SAMD4A: variants seen among roughly 807,000 people sequenced by gnomAD.
SAMD4A encodes the protein sterile alpha motif domain containing 4A, also known as protein Smaug homolog 1.
In SAMD4A, 33 loss-of-function variants were observed where a neutral mutation model predicts 81.3. That is an observed-to-expected ratio of 0.41 (90% confidence interval 0.31 to 0.54). The LOEUF is 0.54. SAMD4A is among the 20% of genes least tolerant of loss of function. The pLI is 0.37. For synonymous variants in SAMD4A, 389 were observed against 382.1 expected (o/e 1.02, Z -0.21); for missense variants, 854 against 951.1 (o/e 0.90, Z 1.34).
chr14:54,777,169 G>A (rs1160387556), intron 11 of SAMD4A, among the ~76,000 whole-genome samples: 1 of 152,128 alleles, frequency 6.6e-6, no homozygotes, highest in Admixed American at 6.5e-5. Flanking sequence ...AAGCCACACA[G>A]GCAATTACAC....
In SAMD4A at chr14:54,739,055, C is replaced by CTTTTTTTTTTTTTTTTTTTTTTTT. The variant is rs3051648; in HGVS notation, c.979+1787_979+1788insTTTTTTTTTTTTTTTTTTTTTTTT. Among the ~76,000 whole-genome samples the CTTTTTTTTTTTTTTTTTTTTTTTT allele has an allele frequency of 6.1e-4, 59 of 97,344 alleles. 7 individuals are homozygous for CTTTTTTTTTTTTTTTTTTTTTTTT. Among genetic ancestry groups the CTTTTTTTTTTTTTTTTTTTTTTTT allele is most frequent in the African/African-American group, 2.8e-3 (58 of 20,654 alleles). 63.9% of individuals were successfully genotyped at this position (97,344 alleles called of 152,430 possible). The stretch of plus-strand genomic sequence containing the variant: ...TACTTTGTTTTCTTTCTTTCCTTTT[C>CTTTTTTTTTTTTTTTTTTTTTTTT]TTTTTTTTTTTTTTTTTTTGAGGCC... On this transcript the variant is annotated intron_variant, in intron 4 of 12. Transcript: ENST00000554335.
In SAMD4A at chr14:54,692,952, A is replaced by G. The variant is rs146893166; in HGVS notation, c.197-9110A>G. 1.6e-4 allele frequency: 24 copies of G among 148,976 alleles called. No individual in the cohort carries two copies. The East Asian group carries it at 4.8e-3, about 30-fold the overall frequency. The allele number at this position is 148,976 out of a possible 1,614,324, so 9.2% of individuals were successfully genotyped here. ...TTGTTTTTCTTTCCTTCTTCAACAG[A>G]TGTTTGCAAGAGTTGTATTAAATAT... is the stretch of plus-strand genomic sequence containing the variant. On this transcript the variant is annotated intron_variant, in intron 2 of 12. Transcript: ENST00000554335.
intron 2 of SAMD4A, among the ~76,000 whole-genome samples, chr14:54,572,950 T>A (rs1374679365): frequency 6.6e-6 from 1 of 152,222 alleles, no homozygotes. Flanking sequence ...GGGACCCACC[T>A]TCTATGTTTT....
At chr14:54,708,254 G>A (rs2036906454) in intron 3 of SAMD4A, among the ~76,000 whole-genome samples, 1 of 152,228 alleles carries the variant, frequency 6.6e-6, no homozygotes. Context: ...GGAGAGGATT[G>A]AAGGAGGACT....
At chr14:54,692,979 TTTCA>T (rs2036488301) in intron 2 of SAMD4A, 1 of 151,862 alleles carries the variant, frequency 6.6e-6, no homozygotes, top group Admixed American at 6.6e-5. Flanking sequence ...ATTAAATATA[TTTCA>T]TTCTGCTGTC....
At chr14:54,758,057 C>G (rs934600777) in intron 6 of SAMD4A, among the ~76,000 whole-genome samples, 1 of 152,316 alleles carries the variant, frequency 6.6e-6, no homozygotes, top group African/African-American at 2.4e-5. Context: ...CCTGCAGAGA[C>G]ATCTGTCATG....
At chr14:54,591,353 G>A (rs1237601947) in intron 2 of SAMD4A, among the ~76,000 whole-genome samples, 2 of 152,082 alleles carry the variant, frequency 1.3e-5, no homozygotes, top group Non-Finnish European at 2.9e-5. Flanking sequence ...TGGTGCCAAG[G>A]GTGCTAGAAA....
At chr14:54,775,527 T>G (rs17127934) in intron 10 of SAMD4A, among the ~76,000 whole-genome samples, 42,698 of 152,094 alleles carry the variant, frequency 0.28, 6,407 homozygotes, top group African/African-American at 0.39. Flanking sequence ...CAGTCCCAGC[T>G]CTGGTGGAGC....
At chr14:54,653,383 G>A (rs535335387) in intron 2 of SAMD4A, among the ~76,000 whole-genome samples, 124 of 150,090 alleles carry the variant, frequency 8.3e-4, no homozygotes, top group African/African-American at 2.9e-3. Context: ...GTCACCCAGG[G>A]TGGAGTGCAG....
intron 2 of SAMD4A, among the ~76,000 whole-genome samples, chr14:54,698,480 C>T (rs970381041): frequency 1.3e-5 from 2 of 152,190 alleles, no homozygotes; most frequent in Non-Finnish European, 2.9e-5. Flanking sequence ...CATTTGTGCC[C>T]CTGTGCCTTC....
Position 54,724,007 on chromosome 14 carries a change from T to TGGATGGATGGAAGGAA in SAMD4A, c.716-13014_716-13013insTGGATGGAAGGAAGGA, listed in dbSNP as rs1555347506. 5.6e-5 allele frequency among the ~76,000 whole-genome samples: 7 copies of TGGATGGATGGAAGGAA among 124,252 alleles called. No homozygotes were observed. The South Asian group carries it at 9.0e-4, about 16-fold the overall frequency. The allele number at this position is 124,252 out of a possible 152,430, so 81.5% of individuals were successfully genotyped here. On this transcript the variant is annotated intron_variant, in intron 3 of 12. Transcript: ENST00000554335. The stretch of plus-strand genomic sequence containing the variant: ...AGCAAATATTGGATGGATGGATGGA[T>TGGATGGATGGAAGGAA]GGAAGGAAGGAAGGAAGGAAGGAAG...
intron 4 of SAMD4A, among the ~76,000 whole-genome samples, chr14:54,746,585 C>T (rs1161697723): frequency 1.3e-5 from 2 of 152,222 alleles, no homozygotes; most frequent in African/African-American, 4.8e-5. Flanking sequence ...CTCCAACCCA[C>T]ACTTTCTGAC....
chr14:54,650,736 CCT>C (rs1224232192), intron 2 of SAMD4A, among the ~76,000 whole-genome samples: 1 of 152,150 alleles, frequency 6.6e-6, no homozygotes, highest in East Asian at 1.9e-4. Flanking sequence ...AAGCTTTTCT[CCT>C]CTTTGTCAAG....
intron 2 of SAMD4A, among the ~76,000 whole-genome samples, chr14:54,585,169 A>G (rs1339190789): frequency 6.6e-6 from 1 of 152,236 alleles, no homozygotes; most frequent in East Asian, 1.9e-4. Flanking sequence ...TGTCATTAAT[A>G]TTTTAATGCA....
intron 2 of SAMD4A, among the ~76,000 whole-genome samples, chr14:54,680,751 A>C (rs548169815): frequency 6.6e-6 from 1 of 152,354 alleles, no homozygotes; most frequent in South Asian, 2.1e-4. Context: ...TGCCATGTAG[A>C]GTAAAAGAAA....
chr14:54,636,630 T>A (rs1437426238), intron 2 of SAMD4A, among the ~76,000 whole-genome samples: 1 of 152,154 alleles, frequency 6.6e-6, no homozygotes, highest in Non-Finnish European at 1.5e-5. Flanking sequence ...CTGGTGAAAG[T>A]GGTCGTGCTC....
In SAMD4A at chr14:54,772,327, T is replaced by C. The variant is rs182370651; in HGVS notation, c.1715+2105T>C. Among the ~76,000 whole-genome samples, 94 of 152,340 alleles carry C rather than the reference T, an allele frequency of 6.2e-4. 1 individual carries two copies. The South Asian group carries it at 6.4e-3, about 10-fold the overall frequency. On this transcript the variant is annotated intron_variant, in intron 9 of 12. Coordinates refer to ENST00000554335, the MANE Select transcript of SAMD4A (RefSeq NM_015589.6). ...CACTTTGTTCTCTCCCCAGAAAGCA[T>C]TGATGATTTCATTAAGCCTAGCGAT...
At chr14:54,587,878 G>C (rs1230303372) in intron 2 of SAMD4A, among the ~76,000 whole-genome samples, 1 of 152,148 alleles carries the variant, frequency 6.6e-6, no homozygotes, top group African/African-American at 2.4e-5. Context: ...CCTGGTTTTA[G>C]TATTAGGGTG....
At chr14:54,762,010 C>T (rs537974127) in intron 7 of SAMD4A, among the ~76,000 whole-genome samples, 5 of 152,316 alleles carry the variant, frequency 3.3e-5, no homozygotes, top group East Asian at 1.9e-4. Flanking sequence ...CATAAGTAGG[C>T]GGTGCAAAAA....
Sources: gnomAD v4.1 joint callset for allele counts (sites outside exome capture counted in the v4.1 genomes callset) on GRCh38, gnomAD v4.1.1 for gene constraint, MANE v1.5 for transcripts, NCBI Gene and HGNC (gene_info 2026-07-23, HGNC 2026-07-21) for gene names.